MTUS2: variants seen among roughly 807,000 people sequenced by gnomAD.
MTUS2 encodes the protein microtubule-associated tumor suppressor candidate 2.
A neutral mutation model predicts 114.1 loss-of-function variants in MTUS2; 40 were observed. The observed-to-expected ratio is 0.35, with a 90% CI of 0.27 to 0.46. MTUS2 has a LOEUF of 0.46. MTUS2 is among the 20% of genes least tolerant of loss of function. MTUS2 has a pLI of 1.00. For missense variants in MTUS2, 1,679 were observed against 1,705.4 expected (o/e 0.98, Z 0.27); for synonymous variants, 688 against 672.0 (o/e 1.02, Z -0.37).
intron 5 of MTUS2, chr13:29,242,705 A>G (rs1005651746): frequency 8.5e-5 from 13 of 152,256 alleles, no homozygotes; most frequent in African/African-American, 3.1e-4. Flanking sequence ...GATCCTAAAG[A>G]TGAAAAAATA....
In MTUS2 at chr13:29,040,245, C is replaced by T. The variant is rs574788469; in HGVS notation, c.2446+6120C>T. 1.4e-4 allele frequency among the ~76,000 whole-genome samples: 21 copies of T among 152,296 alleles called. 1 individual carries two copies. Among genetic ancestry groups the T allele is most frequent in the African/African-American group, 4.8e-4 (20 of 41,562 alleles). On this transcript the variant is annotated intron_variant, in intron 4 of 15. Coordinates refer to ENST00000612955, the MANE Select transcript of MTUS2 (RefSeq NM_001033602.4). ...TTACTTTTCCATTCCTGAGTTACTT[C>T]GCTTAGAATAATGGTCTCCAACTTC... is the stretch of plus-strand genomic sequence containing the variant.
intron 2 of MTUS2, among the ~76,000 whole-genome samples, chr13:28,878,269 GTA>G (rs1007195377): frequency 1.3e-5 from 2 of 150,010 alleles, no homozygotes; most frequent in Admixed American, 6.6e-5. Context: ...GTGTATATGT[GTA>G]TATATGTGTG....
chr13:29,165,235 C>T (rs1251297111), intron 5 of MTUS2, among the ~76,000 whole-genome samples: 15 of 152,190 alleles, frequency 9.9e-5, no homozygotes, highest in Admixed American at 5.2e-4. Flanking sequence ...ATTCTCACCC[C>T]AGGGCCATCC....
chr13:29,380,585 A>T (rs111678669), intron 8 of MTUS2, among the ~76,000 whole-genome samples: 1 of 152,168 alleles, frequency 6.6e-6, no homozygotes, highest in Admixed American at 6.5e-5. Flanking sequence ...ACGAGAGGAG[A>T]TGGGTTCATG....
intron 2 of MTUS2, among the ~76,000 whole-genome samples, chr13:29,009,967 T>C (rs932894796): frequency 6.6e-6 from 1 of 152,070 alleles, no homozygotes; most frequent in Non-Finnish European, 1.5e-5. Flanking sequence ...ATCCCAGCAC[T>C]TTGGGAGGCT....
At chr13:29,467,927 C>A (rs550118235) in intron 9 of MTUS2, among the ~76,000 whole-genome samples, 34 of 152,072 alleles carry the variant, frequency 2.2e-4, no homozygotes, top group Non-Finnish European at 2.9e-4. Context: ...CCAGCTGAGG[C>A]AACACTGAGA....
intron 2 of MTUS2, among the ~76,000 whole-genome samples, chr13:28,857,013 C>T (rs1465229607): frequency 6.6e-6 from 1 of 152,202 alleles, no homozygotes; most frequent in South Asian, 2.1e-4. Flanking sequence ...CACATTCACC[C>T]CAGACACTCT....
At chr13:29,380,171 A>G (rs1384006854) in intron 8 of MTUS2, among the ~76,000 whole-genome samples, 1 of 152,088 alleles carries the variant, frequency 6.6e-6, no homozygotes, top group Non-Finnish European at 1.5e-5. Context: ...TCACACCAAG[A>G]AGGAATAACG....
chr13:29,488,579 T>C (rs911535321), intron 11 of MTUS2, among the ~76,000 whole-genome samples: 2 of 151,594 alleles, frequency 1.3e-5, no homozygotes, highest in African/African-American at 4.9e-5. Context: ...CCAGCCCGAG[T>C]AGCTGGGATT....
At chr13:29,438,135 CATTA>C (rs1352889629) in intron 8 of MTUS2, among the ~76,000 whole-genome samples, 1 of 152,158 alleles carries the variant, frequency 6.6e-6, no homozygotes, top group East Asian at 1.9e-4. Context: ...ACATCACATA[CATTA>C]ATTTAATCCT....
chr13:29,284,396 ATTTT>A (rs11359197), intron 6 of MTUS2, among the ~76,000 whole-genome samples: 1 of 144,484 alleles, frequency 6.9e-6, no homozygotes, highest in East Asian at 2.0e-4. Flanking sequence ...AGAATAAGCT[ATTTT>A]TTAAAAAAAA....
chr13:28,941,219 TTATG>T (rs1882216118), intron 2 of MTUS2, among the ~76,000 whole-genome samples: 1 of 152,120 alleles, frequency 6.6e-6, no homozygotes, highest in African/African-American at 2.4e-5. Flanking sequence ...GATCTTTTGT[TTATG>T]TGGGTTATAT....
At chr13:28,929,072 G>A (rs2138081496) in intron 2 of MTUS2, among the ~76,000 whole-genome samples, 1 of 150,180 alleles carries the variant, frequency 6.7e-6, no homozygotes, top group Non-Finnish European at 1.5e-5. Context: ...ACAGAAAGGC[G>A]AATATCACAT....
intron 4 of MTUS2, among the ~76,000 whole-genome samples, chr13:29,062,435 C>G (rs926762406): frequency 6.6e-6 from 1 of 152,154 alleles, no homozygotes; most frequent in Non-Finnish European, 1.5e-5. Flanking sequence ...CTTTATTTTA[C>G]ATGGTCACTC....
At chr13:29,164,589 A>T (rs1320266967) in intron 5 of MTUS2, among the ~76,000 whole-genome samples, 1 of 152,240 alleles carries the variant, frequency 6.6e-6, no homozygotes, top group Non-Finnish European at 1.5e-5. Context: ...CTGATCCTTC[A>T]TCTAGGGATG....
At chr13:29,222,325 G>A (rs918312883) in intron 5 of MTUS2, among the ~76,000 whole-genome samples, 1 of 152,102 alleles carries the variant, frequency 6.6e-6, no homozygotes, top group African/African-American at 2.4e-5. Flanking sequence ...TAAATTTTGA[G>A]ATCTGGCAGG....
chr13:29,144,621 A>G (rs554682380), intron 5 of MTUS2, among the ~76,000 whole-genome samples: 1 of 152,220 alleles, frequency 6.6e-6, no homozygotes, highest in South Asian at 2.1e-4. Flanking sequence ...GCTTGCTGTC[A>G]TCTGGAGGTC....
At chr13:29,448,679 G>A (rs967844687) in intron 9 of MTUS2, among the ~76,000 whole-genome samples, 1 of 150,344 alleles carries the variant, frequency 6.7e-6, no homozygotes, top group African/African-American at 2.5e-5. Context: ...GATTTAAGAT[G>A]GACTTTACTT....
chr13:29,375,419 TTAATG>T (rs1303420324), intron 8 of MTUS2, among the ~76,000 whole-genome samples: 1 of 116,888 alleles, frequency 8.6e-6, no homozygotes, highest in Non-Finnish European at 1.8e-5. Flanking sequence ...TTACTTACTT[TTAATG>T]GCAAAAACCG....
Sources: allele counts gnomAD v4.1 joint callset (sites outside exome capture counted in the v4.1 genomes callset), GRCh38; gene constraint gnomAD v4.1.1; transcripts MANE v1.5; gene names NCBI Gene and HGNC (gene_info 2026-07-23, HGNC 2026-07-21).